PYM1: variants seen among roughly 807,000 people sequenced by gnomAD.
The protein encoded by PYM1 is PYM1 exon junction complex associated factor.
Under a neutral mutation model 20.7 loss-of-function variants are expected in PYM1, and 7 were observed. The observed-to-expected ratio is 0.34, with a 90% CI of 0.19 to 0.64. PYM1 has a LOEUF of 0.64. PYM1 is among the 30% of genes least tolerant of loss of function. The pLI is 0.74. For missense variants in PYM1, 194 were observed against 250.0 expected, an observed-to-expected ratio of 0.78 and a Z score of 1.51; for synonymous variants, 100 against 99.2, an observed-to-expected ratio of 1.01 and a Z score of -0.05.
At chr12:55,919,400 C>T (rs765211406) in intron 1 of PYM1, among the ~76,000 whole-genome samples, 138 of 152,292 alleles carry the variant, frequency 9.1e-4, no homozygotes, top group Admixed American at 1.4e-3. Flanking sequence ...GCAATCCACC[C>T]GCCTCAGCCT....
intron 1 of PYM1, among the ~76,000 whole-genome samples, chr12:55,905,204 T>A (rs1428327167): frequency 6.9e-6 from 1 of 144,156 alleles, no homozygotes; most frequent in African/African-American, 2.6e-5. Flanking sequence ...AAAGACGGGG[T>A]TTCACCATGT....
At chr12:55,916,792 G>C (rs1883015583) in intron 1 of PYM1, among the ~76,000 whole-genome samples, 1 of 151,310 alleles carries the variant, frequency 6.6e-6, no homozygotes, top group Non-Finnish European at 1.5e-5. Flanking sequence ...AACAGCAAAA[G>C]TCGGTCTCAA....
chr12:55,902,317 G>A lies in PYM1; in HGVS notation c.170C>T (p.Pro57Leu). 3 of 1,612,598 alleles carry A rather than the reference G, an allele frequency of 1.9e-6. No individual in the cohort carries two copies. The highest frequency in any genetic ancestry group is 2.5e-6 in the Non-Finnish European group (3 of 1,179,318). ...NKYVKFFKSK[P>L]ELPPGLSPEA... ...AGGGCTTAGCCCTGGGGGCAACTCT[G>A]GTTTACTCTTGAAAAACTTCACATA... Residue 57 changes from proline (P) to leucine (L), a missense_variant, in exon 3 of 3, where the codon CCA (proline) becomes CTA (leucine). By Grantham distance (98) the Pro-to-Leu change is moderately conservative (BLOSUM62 -3). Coordinates refer to ENST00000408946, the MANE Select transcript of PYM1 (RefSeq NM_032345.3).
intron 1 of PYM1, chr12:55,927,144 C>T (rs2136272012): frequency 1.3e-6 from 2 of 1,551,422 alleles, no homozygotes; most frequent in East Asian, 2.4e-5. Context: ...CGTGAGCGGG[C>T]TGGGGTCCCG....
chr12:55,908,482 C>G (rs1882864623), intron 1 of PYM1, among the ~76,000 whole-genome samples: 1 of 151,372 alleles, frequency 6.6e-6, no homozygotes, highest in Non-Finnish European at 1.5e-5. Context: ...AAATAAATGT[C>G]TAGGGCCTCC....
intron 2 of PYM1, 139 bp downstream of exon 2, chr12:55,903,244 TTCTC>T: frequency 1.5e-6 from 1 of 674,848 alleles, no homozygotes; most frequent in Admixed American, 2.9e-5. Context: ...CCCAGACTCT[TTCTC>T]TCCTTTCTCA....
intron 1 of PYM1, among the ~76,000 whole-genome samples, chr12:55,916,334 CAA>C (rs11320012): frequency 3.0e-5 from 4 of 132,264 alleles, no homozygotes; most frequent in Admixed American, 1.6e-4. Flanking sequence ...GACTCCAGCT[CAA>C]AAAAAAAAAA....
At position 55,914,154 on chromosome 12, in the gene PYM1, A is replaced by C. The variant is rs562974691; in HGVS notation, c.38-10674T>G. Reference sequence around the variant, plus strand: ...TTTAAGTTGATTGCATAGAGATTATAGCTGAAGGTTTAGGAGGACTAAAGA... The same window carrying C: ...TTTAAGTTGATTGCATAGAGATTATCGCTGAAGGTTTAGGAGGACTAAAGA... On this transcript the variant is annotated intron_variant, in intron 1 of 2. Coordinates refer to ENST00000408946, the MANE Select transcript of PYM1 (RefSeq NM_032345.3). 1.4e-5 allele frequency: 8 copies of C among 587,868 alleles called. No homozygotes were observed. The South Asian group carries it at 1.7e-4, about 13-fold the overall frequency. 36.4% of individuals were successfully genotyped at this position (587,868 alleles called of 1,614,324 possible).
At chr12:55,920,739 A>T (rs563016966) in intron 1 of PYM1, among the ~76,000 whole-genome samples, 1 of 152,342 alleles carries the variant, frequency 6.6e-6, no homozygotes, top group East Asian at 1.9e-4. Flanking sequence ...AAATTCTGAA[A>T]ACAATCTAAA....
At chr12:55,909,572 A>G (rs1183930101) in intron 1 of PYM1, among the ~76,000 whole-genome samples, 1 of 151,168 alleles carries the variant, frequency 6.6e-6, no homozygotes, top group East Asian at 1.9e-4. Flanking sequence ...GCATAATAAA[A>G]GGGTGACTTG....
intron 1 of PYM1, among the ~76,000 whole-genome samples, chr12:55,923,986 G>T (rs1389602252): frequency 1.3e-5 from 2 of 151,562 alleles, no homozygotes; most frequent in East Asian, 3.9e-4. Flanking sequence ...TGAGGCAGAA[G>T]AATCACTTGA....
rs533983095 is a variant in PYM1 at position 55,902,981 on chromosome 12, C to A, written c.131+406G>T. On this transcript the variant is annotated intron_variant, in intron 2 of 2. Transcript: ENST00000408946. ...TATTTTTAGTACAGACGGGGTTTCA[C>A]CACTTTGGGGAGGCTGTTCTTGAAC... 3.1e-3 allele frequency among the ~76,000 whole-genome samples: 471 copies of A among 152,200 alleles called. 2 individuals are homozygous for A. The highest frequency in any genetic ancestry group is 5.2e-3 in the Non-Finnish European group (351 of 68,002).
intron 1 of PYM1, among the ~76,000 whole-genome samples, chr12:55,922,555 T>C (rs1883116264): frequency 6.6e-6 from 1 of 151,702 alleles, no homozygotes; most frequent in Non-Finnish European, 1.5e-5. Context: ...AGGTCAAGAT[T>C]TCAGTGAGCC....
At chr12:55,917,195 G>A (rs1265388850) in intron 1 of PYM1, among the ~76,000 whole-genome samples, 1 of 151,540 alleles carries the variant, frequency 6.6e-6, no homozygotes, top group Non-Finnish European at 1.5e-5. Context: ...CAAGACGGGT[G>A]GATCACCTGA....
At chr12:55,927,029 T>G (rs1883204876) in intron 1 of PYM1, 1 of 1,487,994 alleles carries the variant, frequency 6.7e-7, no homozygotes, top group Non-Finnish European at 9.0e-7. Flanking sequence ...TCCGAACCCC[T>G]GCCCCGAGAG....
At chr12:55,927,001 C>A in intron 1 of PYM1, 1 of 1,429,664 alleles carries the variant, frequency 7.0e-7, no homozygotes, top group East Asian at 2.5e-5. Context: ...ATGGGCGGGG[C>A]ACAGACCCCT....
intron 1 of PYM1, chr12:55,927,141 G>A (rs1387559807): frequency 1.9e-6 from 3 of 1,551,402 alleles, no homozygotes; most frequent in South Asian, 1.2e-5. Flanking sequence ...CGGCGTGAGC[G>A]GGCTGGGGTC....
At chr12:55,925,231 G>C (rs768061237) in intron 1 of PYM1, among the ~76,000 whole-genome samples, 26 of 152,238 alleles carry the variant, frequency 1.7e-4, no homozygotes, top group Non-Finnish European at 2.6e-4. Flanking sequence ...CAGAGGTCTA[G>C]CTGGGCAGCA....
chr12:55,920,942 T>C (rs1443279410), intron 1 of PYM1, among the ~76,000 whole-genome samples: 1 of 152,244 alleles, frequency 6.6e-6, no homozygotes, highest in African/African-American at 2.4e-5. Flanking sequence ...TTTAGAAAGA[T>C]ATATGCCATA....
Sources: allele counts gnomAD v4.1 joint callset (sites outside exome capture counted in the v4.1 genomes callset), GRCh38; gene constraint gnomAD v4.1.1; transcripts MANE v1.5; gene names NCBI Gene and HGNC (gene_info 2026-07-23, HGNC 2026-07-21).